The following FHIT variants were observed in gnomAD, a reference collection of about 807,000 sequenced individuals.
The protein encoded by FHIT is bis(5'-adenosyl)-triphosphatase.
A neutral mutation model predicts 17.9 loss-of-function variants in FHIT; 19 were observed. The observed-to-expected ratio is 1.06, with a 90% CI of 0.74 to 1.56. The LOEUF is 1.56. Among genes scored for constraint, FHIT ranks in the 40% most tolerant of loss-of-function variants. The pLI is 0.00. For synonymous variants in FHIT, 81 were observed against 69.7 expected, an observed-to-expected ratio of 1.16 and a Z score of -0.81; for missense variants, 248 against 189.2, an observed-to-expected ratio of 1.31 and a Z score of -1.82.
intron 4 of FHIT, among the ~76,000 whole-genome samples, chr3:60,769,150 T>C (rs954470589): frequency 3.9e-5 from 6 of 152,256 alleles, no homozygotes; most frequent in Middle Eastern, 3.4e-3. Context: ...TGGGATTCCA[T>C]AGTCTCACCT....
intron 4 of FHIT, among the ~76,000 whole-genome samples, chr3:60,773,349 A>T (rs1307864098): frequency 2.6e-5 from 4 of 152,168 alleles, no homozygotes; most frequent in African/African-American, 9.7e-5. Flanking sequence ...TTAAGCCCAA[A>T]CATCTCCCTA....
At chr3:60,351,108 T>C (rs1195147595) in intron 5 of FHIT, among the ~76,000 whole-genome samples, 1 of 152,174 alleles carries the variant, frequency 6.6e-6, no homozygotes, top group Non-Finnish European at 1.5e-5. Flanking sequence ...AACCCATGTC[T>C]GAACTTCTGA....
intron 5 of FHIT, among the ~76,000 whole-genome samples, chr3:60,286,530 C>G (rs1424229150): frequency 6.6e-6 from 1 of 152,124 alleles, no homozygotes; most frequent in African/African-American, 2.4e-5. Flanking sequence ...TACAGTAACT[C>G]TTATGGTACC....
intron 5 of FHIT, among the ~76,000 whole-genome samples, chr3:60,345,985 T>C (rs907802488): frequency 6.6e-6 from 1 of 152,226 alleles, no homozygotes; most frequent in African/African-American, 2.4e-5. Flanking sequence ...TTTTCACCTT[T>C]GTTGCTCTGC....
At chr3:59,967,098 A>T (rs1394389555) in intron 7 of FHIT, among the ~76,000 whole-genome samples, 1 of 152,062 alleles carries the variant, frequency 6.6e-6, no homozygotes. Context: ...CAAGGTCAGG[A>T]TCATCAGTAT....
Position 60,335,710 on chromosome 3 carries a change from A to G in FHIT, c.103+201150T>C, listed in dbSNP as rs147809502. ...TAACACAAAAACCTCTTGTTTTTAT[A>G]TTGACCACATTTTAAAATTTATTAG... On this transcript the variant is annotated intron_variant, in intron 5 of 9. Transcript: ENST00000492590. Among the ~76,000 whole-genome samples the G allele has an allele frequency of 4.6e-3, 703 of 152,288 alleles. 5 individuals are homozygous for G. Among genetic ancestry groups the G allele is most frequent in the Non-Finnish European group, 6.2e-3 (420 of 68,020 alleles).
rs372834379 is a variant in FHIT at position 61,092,392 on chromosome 3, T to C, written c.-163-50293A>G. On this transcript the variant is annotated intron_variant, in intron 2 of 9. Transcript: ENST00000492590. ...ACCCTCTTCTCCATCATCCTTCCTATTTGGTAATTACTCTTTTAATACATG... is the reference window on the plus strand; with the variant it reads ...ACCCTCTTCTCCATCATCCTTCCTACTTGGTAATTACTCTTTTAATACATG... 1.6e-4 allele frequency among the ~76,000 whole-genome samples: 24 copies of C among 152,222 alleles called. 1 individual carries two copies. In the South Asian group the frequency reaches 4.8e-3, roughly 30 times the overall value.
intron 5 of FHIT, among the ~76,000 whole-genome samples, chr3:60,439,422 C>A (rs566273454): frequency 5.9e-5 from 9 of 152,238 alleles, no homozygotes; most frequent in African/African-American, 2.2e-4. Flanking sequence ...GTGCTCTGTG[C>A]AAAGCCTTGG....
chr3:61,151,917 TC>T (rs2037405732), intron 2 of FHIT, among the ~76,000 whole-genome samples: 1 of 152,194 alleles, frequency 6.6e-6, no homozygotes, highest in Non-Finnish European at 1.5e-5. Context: ...TTCACTCATA[TC>T]AAGTAGATAT....
intron 5 of FHIT, among the ~76,000 whole-genome samples, chr3:60,220,133 T>C (rs1229281955): frequency 6.6e-6 from 1 of 152,076 alleles, no homozygotes; most frequent in East Asian, 1.9e-4. Flanking sequence ...AAAACAATAA[T>C]AAGGTAGATC....
chr3:60,019,415 CT>C lies in FHIT; in HGVS notation c.104-5264del, dbSNP rs1281567026. ...ATGGCATTTTAGAGTTGAGATGCTC[CT>C]TTTTTTTTTTTTTTTTCCTGAGATG... On this transcript the variant is annotated intron_variant, in intron 5 of 9. Transcript: ENST00000492590. Among the ~76,000 whole-genome samples, 289 of 121,066 alleles carry C rather than the reference CT, an allele frequency of 2.4e-3. 1 individual carries two copies. The highest frequency in any genetic ancestry group is 9.1e-3 in the Middle Eastern group (2 of 220). 79.4% of individuals were successfully genotyped at this position (121,066 alleles called of 152,430 possible). A position where few individuals can be genotyped will look rare whatever the true frequency, so the allele number is the denominator to read the frequency against.
intron 2 of FHIT, among the ~76,000 whole-genome samples, chr3:61,071,550 C>T (rs1053460839): frequency 2.0e-5 from 3 of 152,004 alleles, no homozygotes; most frequent in Non-Finnish European, 4.4e-5. Context: ...AAATGGATTG[C>T]TATGCAGTCA....
At chr3:60,495,224 G>A (rs1251557111) in intron 5 of FHIT, among the ~76,000 whole-genome samples, 1 of 151,586 alleles carries the variant, frequency 6.6e-6, no homozygotes, top group East Asian at 1.9e-4. Context: ...TGATGATGAA[G>A]GATGTTGAGC....
intron 5 of FHIT, among the ~76,000 whole-genome samples, chr3:60,221,916 T>A (rs1417752623): frequency 1.3e-5 from 2 of 152,262 alleles, no homozygotes; most frequent in East Asian, 3.9e-4. Flanking sequence ...TTTTTCAGCA[T>A]GATTTCTTAT....
chr3:60,704,929 A>G (rs965580567), intron 4 of FHIT, among the ~76,000 whole-genome samples: 1 of 152,118 alleles, frequency 6.6e-6, no homozygotes, highest in African/African-American at 2.4e-5. Flanking sequence ...AAACTATTTA[A>G]CTGGTGAGCT....
chr3:61,221,680 C>G (rs1684275082), intron 1 of FHIT, among the ~76,000 whole-genome samples: 1 of 152,236 alleles, frequency 6.6e-6, no homozygotes, highest in African/African-American at 2.4e-5. Flanking sequence ...TCCAAGGATG[C>G]AGGGCCACCA....
At chr3:60,759,472 C>G (rs1699559372) in intron 4 of FHIT, among the ~76,000 whole-genome samples, 1 of 152,110 alleles carries the variant, frequency 6.6e-6, no homozygotes, top group South Asian at 2.1e-4. Context: ...TTAACCTTGA[C>G]AGTGGATGAG....
intron 5 of FHIT, among the ~76,000 whole-genome samples, chr3:60,084,018 A>AC (rs1176079214): frequency 7.0e-6 from 1 of 143,742 alleles, no homozygotes; most frequent in African/African-American, 2.6e-5. Context: ...AAAGATGACC[A>AC]CCACATATTA....
At position 60,812,736 on chromosome 3, in the gene FHIT, G is replaced by A. The variant is rs188747054; in HGVS notation, c.-18+9183C>T. Among the ~76,000 whole-genome samples, 101 of 152,208 alleles carry A rather than the reference G, an allele frequency of 6.6e-4. No homozygotes were observed. In the Middle Eastern group the frequency reaches 0.017, roughly 26 times the overall value. ...AAAATAGCACTGTAGTTCCTCATAT[G>A]CATACCCTAACAAAAATGAGTCAGT... On this transcript the variant is annotated intron_variant, in intron 4 of 9. Coordinates refer to ENST00000492590, the MANE Select transcript of FHIT (RefSeq NM_002012.4).
Sources: gnomAD v4.1 joint callset for allele counts (sites outside exome capture counted in the v4.1 genomes callset) on GRCh38, gnomAD v4.1.1 for gene constraint, MANE v1.5 for transcripts, NCBI Gene and HGNC (gene_info 2026-07-23, HGNC 2026-07-21) for gene names.